Variants in AFF1 observed in about 807,000 individuals in gnomAD.
AFF1 encodes AF4/FMR2 family member 1.
Under a neutral mutation model 121.7 loss-of-function variants are expected in AFF1, and 48 were observed. That is an observed-to-expected ratio of 0.39 (90% confidence interval 0.31 to 0.50). The LOEUF (loss-of-function observed/expected upper bound fraction) is 0.50, where lower values mean the gene tolerates loss of function less well. Ranked by LOEUF, AFF1 falls within the 20% of genes least tolerant of loss-of-function variation. The probability of loss-of-function intolerance (pLI) is 0.76; values close to 1 mark genes in which losing one functional copy is unlikely to be tolerated. For missense variants in AFF1, 1,523 were observed against 1,511.7 expected (o/e 1.01, Z -0.12); for synonymous variants, 613 against 563.0 (o/e 1.09, Z -1.26).
intron 2 of AFF1, among the ~76,000 whole-genome samples, chr4:87,031,234 G>T (rs558643165): frequency 5.9e-4 from 90 of 152,258 alleles, no homozygotes; most frequent in African/African-American, 2.1e-3. Context: ...TATGGTGAAT[G>T]ATCACTCCCC....
At chr4:87,116,846 G>A (rs1027070230) in intron 12 of AFF1, among the ~76,000 whole-genome samples, 11 of 152,044 alleles carry the variant, frequency 7.2e-5, no homozygotes, top group Non-Finnish European at 1.0e-4. Context: ...GTGTGTGTGT[G>A]TATGTGTGTG....
intron 8 of AFF1, among the ~76,000 whole-genome samples, chr4:87,096,295 TC>T (rs1227344267): frequency 1.3e-4 from 18 of 133,412 alleles, no homozygotes; most frequent in African/African-American, 4.4e-4. Context: ...CTTTTGTTAT[TC>T]CCTTTTTTTT....
chr4:87,029,428 C>T (rs922118666), intron 2 of AFF1, among the ~76,000 whole-genome samples: 20 of 152,128 alleles, frequency 1.3e-4, no homozygotes, highest in Non-Finnish European at 2.4e-4. Flanking sequence ...TTTTTATGTA[C>T]GTAAAGGTAT....
rs1725230417 is a variant in AFF1 at position 87,099,717 on chromosome 4, C to G, written c.1283+4748C>G. Among the ~76,000 whole-genome samples the G allele has an allele frequency of 1.3e-5, 2 of 152,270 alleles. 1 individual carries two copies. Among genetic ancestry groups the G allele is most frequent in the South Asian group, 4.1e-4 (2 of 4,830 alleles). ...AGCCACTGTGCCCGGCCCCCACATG[C>G]TGTGTGCTTGGTGCTGCTTTAGGTA... is the stretch of plus-strand genomic sequence containing the variant. On this transcript the variant is annotated intron_variant, in intron 8 of 20. Transcript: ENST00000395146.
chr4:87,075,530 C>T (rs1343271805), intron 4 of AFF1, among the ~76,000 whole-genome samples: 8 of 152,120 alleles, frequency 5.3e-5, no homozygotes, highest in African/African-American at 1.9e-4. Context: ...CTCAAGGAAG[C>T]GTACGTACAT....
intron 4 of AFF1, among the ~76,000 whole-genome samples, chr4:87,062,628 T>G (rs1490838591): frequency 6.6e-6 from 1 of 152,228 alleles, no homozygotes; most frequent in African/African-American, 2.4e-5. Flanking sequence ...CCTTTTATTT[T>G]AAATTACTTA....
At chr4:86,997,413 A>G (rs1725300048) in intron 2 of AFF1, among the ~76,000 whole-genome samples, 1 of 152,224 alleles carries the variant, frequency 6.6e-6, no homozygotes, top group East Asian at 1.9e-4. Context: ...AGTTTCAGGT[A>G]TTCTGCTATA....
At position 87,134,868 on chromosome 4, in the gene AFF1, C is replaced by T. The variant is rs139667894; in HGVS notation, c.3535+174C>T. On this transcript the variant is annotated intron_variant, in intron 20 of 20. Coordinates refer to ENST00000395146, the MANE Select transcript of AFF1 (RefSeq NM_001166693.3). ...AACCTAGTTGCGGTTGTTCCTTGAG[C>T]ACTGTGGCATGGAGCTGAGTTTCTG... Among the ~76,000 whole-genome samples the T allele has an allele frequency of 2.4e-3, 363 of 152,312 alleles. 3 individuals carry two copies. Among genetic ancestry groups the T allele is most frequent in the Middle Eastern group, 0.017 (5 of 294 alleles).
intron 2 of AFF1, among the ~76,000 whole-genome samples, chr4:87,009,705 A>G (rs1726535123): frequency 6.6e-6 from 1 of 152,238 alleles, no homozygotes; most frequent in Admixed American, 6.5e-5. Context: ...TTTGAGATCC[A>G]AAGAGAATAT....
intron 4 of AFF1, among the ~76,000 whole-genome samples, chr4:87,056,888 G>A (rs1287128559): frequency 1.3e-5 from 2 of 152,228 alleles, no homozygotes; most frequent in East Asian, 1.9e-4. Context: ...TCATATTCAC[G>A]ATGATCCCAT....
intron 2 of AFF1, among the ~76,000 whole-genome samples, chr4:86,951,451 A>G (rs183235000): frequency 6.6e-6 from 1 of 151,954 alleles, no homozygotes; most frequent in East Asian, 1.9e-4. Flanking sequence ...TCACACATTT[A>G]GTTAGCTGCT....
intron 12 of AFF1, among the ~76,000 whole-genome samples, chr4:87,123,711 G>T (rs1002226058): frequency 1.3e-5 from 2 of 152,170 alleles, no homozygotes; most frequent in African/African-American, 4.8e-5. Context: ...ATTATTTTGT[G>T]TGGAGCCAGG....
chr4:87,051,791 A>G (rs374713594), intron 4 of AFF1, among the ~76,000 whole-genome samples: 26 of 152,142 alleles, frequency 1.7e-4, no homozygotes, highest in African/African-American at 5.3e-4. Flanking sequence ...TTAACCCTCC[A>G]CTGTGTTCCA....
chr4:86,939,722 G>T (rs987440986), intron 1 of AFF1, among the ~76,000 whole-genome samples: 7 of 152,178 alleles, frequency 4.6e-5, no homozygotes, highest in African/African-American at 1.7e-4. Context: ...GTGAATATGT[G>T]CAGCCTGGCA....
At chr4:86,960,819 A>G (rs923458896) in intron 2 of AFF1, among the ~76,000 whole-genome samples, 1 of 152,114 alleles carries the variant, frequency 6.6e-6, no homozygotes, top group Non-Finnish European at 1.5e-5. Context: ...TCCAAGCCCT[A>G]CCAGATTTTA....
At chr4:87,043,551 A>G (rs988872778) in intron 2 of AFF1, among the ~76,000 whole-genome samples, 4 of 152,250 alleles carry the variant, frequency 2.6e-5, no homozygotes, top group Non-Finnish European at 5.9e-5. Flanking sequence ...AAATGATAAA[A>G]TAATTGAAGG....
At chr4:87,093,760 T>C (rs1248852075) in intron 7 of AFF1, among the ~76,000 whole-genome samples, 4 of 152,214 alleles carry the variant, frequency 2.6e-5, no homozygotes, top group Non-Finnish European at 4.4e-5. Flanking sequence ...ATTGCAAATA[T>C]GCAAGGGTCT....
chr4:87,025,367 A>G (rs993364093), intron 2 of AFF1, among the ~76,000 whole-genome samples: 28 of 152,240 alleles, frequency 1.8e-4, no homozygotes, highest in African/African-American at 6.5e-4. Flanking sequence ...GGACGAAACT[A>G]AGGCTTAGAG....
intron 2 of AFF1, among the ~76,000 whole-genome samples, chr4:87,004,001 T>C (rs564307717): frequency 6.6e-6 from 1 of 152,280 alleles, no homozygotes; most frequent in African/African-American, 2.4e-5. Flanking sequence ...ATGATCTAGG[T>C]AAATGGCTTT....
Sources: allele counts gnomAD v4.1 joint callset (sites outside exome capture counted in the v4.1 genomes callset), GRCh38; gene constraint gnomAD v4.1.1; transcripts MANE v1.5; gene names NCBI Gene and HGNC (gene_info 2026-07-23, HGNC 2026-07-21).